Variants in AMPH observed in about 807,000 individuals in gnomAD.
The protein encoded by AMPH is amphiphysin (Stiff-Mann syndrome with breast cancer 128kD autoantigen).
A neutral mutation model predicts 99.1 loss-of-function variants in AMPH; 49 were observed. That is an observed-to-expected ratio of 0.49 (90% CI 0.39 to 0.63). The LOEUF is 0.63. AMPH is among the 20% of genes least tolerant of loss of function. AMPH has a pLI of 0.00. For missense variants in AMPH, 759 were observed against 863.4 expected (o/e 0.88, Z 1.52); for synonymous variants, 314 against 317.3 (o/e 0.99, Z 0.11).
At chr7:38,562,466 T>C (rs1791587660) in intron 1 of AMPH, among the ~76,000 whole-genome samples, 1 of 152,172 alleles carries the variant, frequency 6.6e-6, no homozygotes, top group Non-Finnish European at 1.5e-5. Flanking sequence ...ATATGTATTA[T>C]CAGCTACTGG....
At chr7:38,395,128 C>T (rs1562724795) in intron 17 of AMPH, among the ~76,000 whole-genome samples, 3 of 152,132 alleles carry the variant, frequency 2.0e-5, no homozygotes, top group Admixed American at 6.5e-5. Flanking sequence ...GAAAAGCATC[C>T]TCATCACACA....
chr7:38,547,004 C>G (rs947878093), intron 1 of AMPH, among the ~76,000 whole-genome samples: 1 of 152,122 alleles, frequency 6.6e-6, no homozygotes. Flanking sequence ...GATGCAAGGG[C>G]GGGCAAAGGT....
intron 7 of AMPH, among the ~76,000 whole-genome samples, chr7:38,466,897 T>C (rs1787677490): frequency 6.6e-6 from 1 of 152,204 alleles, no homozygotes; most frequent in East Asian, 1.9e-4. Flanking sequence ...ACTTCTTCTA[T>C]GGCTTATCTT....
chr7:38,426,015 T>C (rs951298807), intron 15 of AMPH, among the ~76,000 whole-genome samples: 3 of 152,236 alleles, frequency 2.0e-5, no homozygotes, highest in African/African-American at 7.2e-5. Context: ...CGTCTCTTTG[T>C]ATTTGTGTGT....
At chr7:38,595,141 C>T (rs10252314) in intron 1 of AMPH, among the ~76,000 whole-genome samples, 157 of 152,248 alleles carry the variant, frequency 1.0e-3, no homozygotes, top group African/African-American at 3.6e-3. Context: ...GCCCTGGTTG[C>T]CCTGGTGATA....
intron 5 of AMPH, among the ~76,000 whole-genome samples, chr7:38,488,024 A>G (rs901150170): frequency 6.6e-6 from 1 of 152,234 alleles, no homozygotes; most frequent in African/African-American, 2.4e-5. Flanking sequence ...TCAGGAAACA[A>G]CAGATGCTGG....
chr7:38,564,690 A>G (rs140436801), intron 1 of AMPH, among the ~76,000 whole-genome samples: 2 of 152,334 alleles, frequency 1.3e-5, no homozygotes, highest in African/African-American at 4.8e-5. Context: ...CAGGAAATAA[A>G]GTGTCTCCTT....
At chr7:38,496,890 T>A (rs1788953343) in intron 3 of AMPH, among the ~76,000 whole-genome samples, 1 of 152,138 alleles carries the variant, frequency 6.6e-6, no homozygotes, top group South Asian at 2.1e-4. Flanking sequence ...AAAAAGAAAT[T>A]TGGCACTGTA....
intron 1 of AMPH, among the ~76,000 whole-genome samples, chr7:38,583,695 G>A (rs1195188799): frequency 1.3e-5 from 2 of 152,182 alleles, no homozygotes; most frequent in Admixed American, 6.5e-5. Flanking sequence ...CCTGCCCCCA[G>A]GGAAGCTCAC....
At chr7:38,595,323 G>A (rs567073238) in intron 1 of AMPH, among the ~76,000 whole-genome samples, 15 of 152,304 alleles carry the variant, frequency 9.8e-5, no homozygotes, top group African/African-American at 3.6e-4. Flanking sequence ...CAGGTGGGAG[G>A]TGCTGGGAAG....
intron 5 of AMPH, among the ~76,000 whole-genome samples, chr7:38,487,040 A>C (rs1234011577): frequency 6.6e-6 from 1 of 152,018 alleles, no homozygotes; most frequent in Non-Finnish European, 1.5e-5. Flanking sequence ...CACCCTCACC[A>C]CTTCTTTTCA....
At chr7:38,514,159 T>C (rs1366233257) in intron 2 of AMPH, among the ~76,000 whole-genome samples, 1 of 152,212 alleles carries the variant, frequency 6.6e-6, no homozygotes, top group Non-Finnish European at 1.5e-5. Context: ...CTCCCTGTTT[T>C]GGAATGTAAG....
At chr7:38,494,649 T>G in intron 3 of AMPH, 122 bp from the exon 4 acceptor site, 1 of 804,852 alleles carries the variant, frequency 1.2e-6, no homozygotes, top group Non-Finnish European at 2.1e-6. Context: ...GGAAAAACTA[T>G]AAAGGCACAA....
intron 15 of AMPH, among the ~76,000 whole-genome samples, chr7:38,426,645 G>A (rs989781133): frequency 2.0e-5 from 3 of 152,134 alleles, no homozygotes; most frequent in African/African-American, 4.8e-5. Context: ...TAGAGGAATC[G>A]GTAGAAGGTA....
chr7:38,467,640 A>ATGTGTGTGTGTG lies in AMPH; in HGVS notation c.591-1404_591-1393dup, dbSNP rs70977407. On this transcript the variant is annotated intron_variant, in intron 7 of 20. Coordinates refer to ENST00000356264, the MANE Select transcript of AMPH (RefSeq NM_001635.4). ...CTCTATTTATACTTACAATGGAAAT[A>ATGTGTGTGTGTG]TGTGTGTGTGTGTGTGTGTGTGTGT... 5.8e-3 allele frequency among the ~76,000 whole-genome samples: 859 copies of ATGTGTGTGTGTG among 148,832 alleles called. 8 individuals carry two copies. Among genetic ancestry groups the ATGTGTGTGTGTG allele is most frequent in the Admixed American group, 0.024 (361 of 14,960 alleles).
chr7:38,390,648 T>C (rs1040954902), intron 19 of AMPH, among the ~76,000 whole-genome samples: 1 of 152,148 alleles, frequency 6.6e-6, no homozygotes, highest in Non-Finnish European at 1.5e-5. Flanking sequence ...TGGAAATGGA[T>C]TATGTTATCC....
intron 1 of AMPH, among the ~76,000 whole-genome samples, chr7:38,604,485 C>T (rs1183805128): frequency 6.6e-6 from 1 of 152,232 alleles, no homozygotes; most frequent in African/African-American, 2.4e-5. Context: ...CGAGCACACA[C>T]TGCCCCAGCC....
intron 6 of AMPH, 127 bp downstream of exon 6, chr7:38,476,735 T>C (rs1788099323): frequency 3.2e-6 from 2 of 624,158 alleles, no homozygotes; most frequent in Non-Finnish European, 5.6e-6. Flanking sequence ...AAAAGCACTA[T>C]GTTTCAGTTT....
At chr7:38,441,592 A>T (rs185627967) in intron 11 of AMPH, among the ~76,000 whole-genome samples, 1 of 151,962 alleles carries the variant, frequency 6.6e-6, no homozygotes, top group Admixed American at 6.6e-5. Context: ...CACAGACACC[A>T]GAGACAATGC....
Sources: allele counts gnomAD v4.1 joint callset (sites outside exome capture counted in the v4.1 genomes callset), GRCh38; gene constraint gnomAD v4.1.1; transcripts MANE v1.5; gene names NCBI Gene and HGNC (gene_info 2026-07-23, HGNC 2026-07-21).